PRKG1: variants seen among roughly 807,000 people sequenced by gnomAD.
PRKG1 encodes protein kinase cGMP-dependent 1, also known as cGMP-dependent protein kinase 1.
PRKG1 carries 35 observed loss-of-function variants against 88.1 expected under a neutral mutation model. That is an observed-to-expected ratio of 0.40 (90% CI 0.30 to 0.53). PRKG1 has a LOEUF of 0.53. Among genes scored for constraint, PRKG1 ranks in the 20% least tolerant of loss-of-function variants. The probability of loss-of-function intolerance (pLI) is 0.59; values close to 1 mark genes in which losing one functional copy is unlikely to be tolerated. For missense variants in PRKG1, 540 were observed against 839.8 expected, an observed-to-expected ratio of 0.64 and a Z score of 4.41; for synonymous variants, 303 against 292.5, an observed-to-expected ratio of 1.04 and a Z score of -0.37.
At chr10:51,766,699 C>T (rs1304288677) in intron 3 of PRKG1, among the ~76,000 whole-genome samples, 2 of 152,260 alleles carry the variant, frequency 1.3e-5, no homozygotes, top group African/African-American at 4.8e-5. Flanking sequence ...ATGAGGGCTT[C>T]ACCTTCACAA....
chr10:52,264,692 T>TA (rs1447638000), intron 10 of PRKG1, among the ~76,000 whole-genome samples: 2 of 152,100 alleles, frequency 1.3e-5, no homozygotes, highest in African/African-American at 4.8e-5. Context: ...CTATTACAAT[T>TA]ACGGTGACTC....
chr10:51,802,464 A>G (rs577880298), intron 3 of PRKG1, among the ~76,000 whole-genome samples: 1 of 152,290 alleles, frequency 6.6e-6, no homozygotes, highest in East Asian at 1.9e-4. Flanking sequence ...CAACACATAG[A>G]TAATGAAATC....
chr10:51,101,056 G>A (rs538639713), intron 1 of PRKG1, among the ~76,000 whole-genome samples: 45 of 152,146 alleles, frequency 3.0e-4, no homozygotes, highest in African/African-American at 8.9e-4. Context: ...AAGGAAAGTT[G>A]GAAATTTTTT....
At chr10:51,185,829 T>G (rs1191611723) in intron 2 of PRKG1, among the ~76,000 whole-genome samples, 1 of 151,796 alleles carries the variant, frequency 6.6e-6, no homozygotes, top group Non-Finnish European at 1.5e-5. Context: ...TTCTCTCTCA[T>G]TCATGATTAC....
intron 2 of PRKG1, among the ~76,000 whole-genome samples, chr10:51,289,753 T>C (rs1840534364): frequency 6.6e-6 from 1 of 152,082 alleles, no homozygotes; most frequent in African/African-American, 2.4e-5. Flanking sequence ...GGTTTTTGTG[T>C]GTGTAATATT....
chr10:51,468,374 A>T (rs1354187902), intron 3 of PRKG1, among the ~76,000 whole-genome samples: 1 of 151,826 alleles, frequency 6.6e-6, no homozygotes, highest in African/African-American at 2.4e-5. Context: ...TATAGCATTT[A>T]TCTTTTCTAC....
At chr10:51,192,213 A>G (rs1837648799) in intron 2 of PRKG1, among the ~76,000 whole-genome samples, 1 of 151,934 alleles carries the variant, frequency 6.6e-6, no homozygotes, top group Non-Finnish European at 1.5e-5. Context: ...ATTTCTATCA[A>G]GAAATAAAGC....
At chr10:51,135,903 A>G (rs9414826) in intron 1 of PRKG1, among the ~76,000 whole-genome samples, 118,300 of 148,478 alleles carry the variant, frequency 0.8, 47,658 homozygotes, top group South Asian at 0.88. Context: ...CATGGACTCA[A>G]GAAATATTTA....
chr10:51,919,166 G>A (rs964521221), intron 5 of PRKG1, among the ~76,000 whole-genome samples: 5 of 152,122 alleles, frequency 3.3e-5, no homozygotes, highest in East Asian at 3.9e-4. Context: ...GCTTCCCTGC[G>A]GAAAAGGAAT....
At chr10:51,458,701 C>A (rs888750933) in intron 2 of PRKG1, among the ~76,000 whole-genome samples, 1 of 152,080 alleles carries the variant, frequency 6.6e-6, no homozygotes, top group Non-Finnish European at 1.5e-5. Context: ...AGAGCCATGA[C>A]AAAGCTAAAC....
chr10:51,338,064 C>T (rs901009035), intron 2 of PRKG1, among the ~76,000 whole-genome samples: 4 of 152,012 alleles, frequency 2.6e-5, no homozygotes, highest in African/African-American at 9.7e-5. Flanking sequence ...GAATACTATG[C>T]AGCCATATGG....
intron 1 of PRKG1, among the ~76,000 whole-genome samples, chr10:51,037,338 G>T (rs557739917): frequency 4.6e-5 from 7 of 151,864 alleles, no homozygotes; most frequent in African/African-American, 1.5e-4. Flanking sequence ...GCATCCTTGG[G>T]CATATTGCAG....
At chr10:51,501,170 A>T (rs756770216) in intron 3 of PRKG1, among the ~76,000 whole-genome samples, 1 of 152,250 alleles carries the variant, frequency 6.6e-6, no homozygotes, top group Middle Eastern at 3.4e-3. Flanking sequence ...ATATGGAATC[A>T]TATTCAAGTT....
chr10:51,579,392 T>G (rs571934167), intron 3 of PRKG1, among the ~76,000 whole-genome samples: 57 of 152,232 alleles, frequency 3.7e-4, no homozygotes, highest in Non-Finnish European at 5.7e-4. Flanking sequence ...TCAATACATT[T>G]GCAATTTTTA....
At chr10:52,270,166 G>A (rs189008886) in intron 10 of PRKG1, among the ~76,000 whole-genome samples, 136 of 152,250 alleles carry the variant, frequency 8.9e-4, no homozygotes, top group African/African-American at 3.1e-3. Flanking sequence ...ACAGTCTGCA[G>A]TCTCAGCAGA....
intron 5 of PRKG1, among the ~76,000 whole-genome samples, chr10:52,047,362 A>G (rs1164814608): frequency 2.6e-5 from 4 of 152,122 alleles, no homozygotes; most frequent in Non-Finnish European, 2.9e-5. Flanking sequence ...TTGTGCACTG[A>G]AAAATATTGC....
At chr10:51,214,356 T>G (rs1838314542) in intron 2 of PRKG1, among the ~76,000 whole-genome samples, 1 of 152,238 alleles carries the variant, frequency 6.6e-6, no homozygotes, top group Non-Finnish European at 1.5e-5. Context: ...GTAGCATGAT[T>G]GAAATATCTA....
chr10:51,447,220 T>G (rs1322500141), intron 2 of PRKG1, among the ~76,000 whole-genome samples: 3 of 151,918 alleles, frequency 2.0e-5, no homozygotes, highest in Non-Finnish European at 4.4e-5. Flanking sequence ...TGAAGCCAAA[T>G]GAGAAAACAC....
intron 1 of PRKG1, among the ~76,000 whole-genome samples, chr10:51,027,672 C>A (rs1368233276): frequency 1.3e-5 from 2 of 152,046 alleles, no homozygotes; most frequent in Admixed American, 6.6e-5. Flanking sequence ...GTAAGAAAAT[C>A]TTAAATTTTA....
Sources: gnomAD v4.1 joint callset for allele counts (sites outside exome capture counted in the v4.1 genomes callset) on GRCh38, gnomAD v4.1.1 for gene constraint, MANE v1.5 for transcripts, NCBI Gene and HGNC (gene_info 2026-07-23, HGNC 2026-07-21) for gene names.